The following ZFHX4 variants were observed in gnomAD, a reference collection of about 807,000 sequenced individuals.
The protein encoded by ZFHX4 is zinc finger homeobox protein 4.
In ZFHX4, 56 loss-of-function variants were observed where a neutral mutation model predicts 267.6. The observed-to-expected ratio is 0.21, with a 90% CI of 0.17 to 0.26. The LOEUF is 0.26. ZFHX4 is among the 10% of genes least tolerant of loss of function. The pLI is 1.00. For synonymous variants in ZFHX4, 1,778 were observed against 1,665.6 expected, an observed-to-expected ratio of 1.07 and a Z score of -1.64; for missense variants, 4,332 against 4,420.0, an observed-to-expected ratio of 0.98 and a Z score of 0.56.
chr8:76,712,767 T>C lies in ZFHX4; in HGVS notation c.3093+4719T>C, dbSNP rs557449385. Among the ~76,000 whole-genome samples the C allele has an allele frequency of 3.3e-5, 5 of 152,334 alleles. No homozygotes were observed. The East Asian group carries it at 5.8e-4, about 18-fold the overall frequency. ...ACATTAACCTGAATATGAAAATCTT[T>C]GCACTTTTGTATTAGTTTCAGATTT... On this transcript the variant is annotated intron_variant, in intron 3 of 10. Coordinates refer to ENST00000651372, the MANE Select transcript of ZFHX4 (RefSeq NM_024721.5).
At chr8:76,821,009 C>G (rs1228473909) in intron 4 of ZFHX4, among the ~76,000 whole-genome samples, 2 of 152,110 alleles carry the variant, frequency 1.3e-5, no homozygotes, top group East Asian at 3.9e-4. Context: ...TCCTACTCTG[C>G]CAACTCTCCT....
chr8:76,709,870 C>T (rs967462702), intron 3 of ZFHX4, among the ~76,000 whole-genome samples: 1 of 151,294 alleles, frequency 6.6e-6, no homozygotes. Flanking sequence ...GGATTGACCA[C>T]CTCATTCTCT....
intron 1 of ZFHX4, among the ~76,000 whole-genome samples, chr8:76,688,884 C>T (rs943034788): frequency 5.3e-5 from 8 of 152,022 alleles, no homozygotes; most frequent in Admixed American, 5.2e-4. Flanking sequence ...CTTCCATTTG[C>T]CTCATCACTT....
At chr8:76,682,357 G>A (rs1047079556) in intron 1 of ZFHX4, among the ~76,000 whole-genome samples, 5 of 152,208 alleles carry the variant, frequency 3.3e-5, no homozygotes, top group African/African-American at 1.2e-4. Context: ...AGGCCCGGGG[G>A]TTCGTGAGCT....
At chr8:76,750,714 A>T (rs1306406519) in intron 3 of ZFHX4, among the ~76,000 whole-genome samples, 1 of 152,114 alleles carries the variant, frequency 6.6e-6, no homozygotes, top group African/African-American at 2.4e-5. Flanking sequence ...ATAGTTCTTC[A>T]ACAAGTTTTT....
chr8:76,683,987 G>A (rs1807625882), intron 1 of ZFHX4: 1 of 151,440 alleles, frequency 6.6e-6, no homozygotes. Flanking sequence ...ATCAACACTT[G>A]TTTTACTTTG....
intron 3 of ZFHX4, among the ~76,000 whole-genome samples, chr8:76,755,834 G>A (rs1171931592): frequency 6.6e-6 from 1 of 152,008 alleles, no homozygotes; most frequent in Admixed American, 6.6e-5. Flanking sequence ...AGTGTATGTG[G>A]TTAAGCTCAG....
intron 3 of ZFHX4, among the ~76,000 whole-genome samples, chr8:76,732,441 G>A (rs1428603097): frequency 1.3e-5 from 2 of 151,786 alleles, no homozygotes; most frequent in Non-Finnish European, 2.9e-5. Context: ...AATTTAAAAT[G>A]TAGCTAAAAA....
intron 7 of ZFHX4, 67 bp downstream of exon 7, chr8:76,849,195 C>T: frequency 1.4e-6 from 2 of 1,464,630 alleles, no homozygotes; most frequent in Non-Finnish European, 9.1e-7. Context: ...AGTTTTAAAG[C>T]CCCAAATGAT....
chr8:76,713,308 G>C (rs1353844453), intron 3 of ZFHX4, among the ~76,000 whole-genome samples: 1 of 138,712 alleles, frequency 7.2e-6, no homozygotes, highest in Non-Finnish European at 1.5e-5. Context: ...TAGATAGATA[G>C]ATAGATAGAT....
At chr8:76,706,815 T>G (rs575513108) in intron 2 of ZFHX4, 137 bp downstream of exon 2, 1 of 992,262 alleles carries the variant, frequency 1.0e-6, no homozygotes, top group Admixed American at 3.4e-5. Context: ...TTAAGCTGGA[T>G]AATCAAACCA....
intron 3 of ZFHX4, among the ~76,000 whole-genome samples, chr8:76,750,237 G>A (rs1172274529): frequency 1.3e-5 from 2 of 152,072 alleles, no homozygotes; most frequent in African/African-American, 4.8e-5. Flanking sequence ...TTTATATCTA[G>A]GAGGGATGCC....
At position 76,847,444 on chromosome 8, in the gene ZFHX4, G is replaced by T. The variant is rs559737937; in HGVS notation, c.3512-1551G>T. Among the ~76,000 whole-genome samples, 32 of 151,668 alleles carry T rather than the reference G, an allele frequency of 2.1e-4. No individual in the cohort carries two copies. The East Asian group carries it at 3.9e-3, about 18-fold the overall frequency. On this transcript the variant is annotated intron_variant, in intron 6 of 10. Transcript: ENST00000651372. ...ATCTAGAAATAACCTAAATTTCTCC[G>T]ACACATATATATATACATGAAGACA... is the stretch of plus-strand genomic sequence containing the variant.
At chr8:76,749,678 T>C (rs1276824199) in intron 3 of ZFHX4, among the ~76,000 whole-genome samples, 1 of 152,190 alleles carries the variant, frequency 6.6e-6, no homozygotes, top group Non-Finnish European at 1.5e-5. Context: ...GTCTGTAATA[T>C]AGAAAAATGA....
intron 10 of ZFHX4, among the ~76,000 whole-genome samples, chr8:76,857,629 G>A (rs995432670): frequency 2.0e-5 from 3 of 151,908 alleles, no homozygotes; most frequent in African/African-American, 7.3e-5. Context: ...GAAGCAGAAT[G>A]GAACTATACA....
Position 76,866,540 on chromosome 8 carries a change from G to GC in ZFHX4, c.*1975_*1976insC, listed in dbSNP as rs1813036867. Reference sequence around the variant, plus strand: ...GATTGTGTTTCGTAAGAGACAACATGGCCTCCTAAGGTGCAATCCTGCCGC... The same window carrying GC: ...GATTGTGTTTCGTAAGAGACAACATGCGCCTCCTAAGGTGCAATCCTGCCGC... On this transcript the variant is annotated 3_prime_UTR_variant, in exon 11 of 11. Transcript: ENST00000651372. 1 of 151,622 alleles carries GC rather than the reference G, an allele frequency of 6.6e-6. No homozygotes were observed. 9.4% of individuals were successfully genotyped at this position (151,622 alleles called of 1,614,324 possible).
rs772629883 is a variant in ZFHX4, at chr8:76,863,196, C to T, written c.9482C>T (p.Thr3161Ile). ...SSAPTKPLLQ[T>I]PPPPPPPPPP... ...GCCCCCACCAAACCTTTGCTGCAGACTCCACCACCTCCACCACCTCCTCCT... is the reference window on the plus strand; with the variant it reads ...GCCCCCACCAAACCTTTGCTGCAGATTCCACCACCTCCACCACCTCCTCCT... The change falls in exon 11 of 11, where the codon ACT (threonine) becomes ATT (isoleucine). Residue 3161 changes from threonine to isoleucine, a missense_variant. Physicochemically the swap from Thr to Ile is moderately conservative, Grantham distance 89. Coordinates refer to ENST00000651372, the MANE Select transcript of ZFHX4 (RefSeq NM_024721.5). 4 of 1,563,760 alleles carry T rather than the reference C, an allele frequency of 2.6e-6. No individual in the cohort carries two copies. Among genetic ancestry groups the T allele is most frequent in the Non-Finnish European group, 3.5e-6 (4 of 1,153,714 alleles).
intron 5 of ZFHX4, among the ~76,000 whole-genome samples, chr8:76,834,633 T>G (rs565375355): frequency 1.3e-5 from 2 of 152,302 alleles, no homozygotes; most frequent in Non-Finnish European, 2.9e-5. Flanking sequence ...GTTCTTTGTA[T>G]ATTTCAGATG....
intron 1 of ZFHX4, among the ~76,000 whole-genome samples, chr8:76,698,806 TC>T (rs2131595202): frequency 6.6e-6 from 1 of 152,316 alleles, no homozygotes; most frequent in South Asian, 2.1e-4. Flanking sequence ...GTTACATCCT[TC>T]TATTCAAACT....
Sources: allele counts gnomAD v4.1 joint callset (sites outside exome capture counted in the v4.1 genomes callset), GRCh38; gene constraint gnomAD v4.1.1; transcripts MANE v1.5; gene names NCBI Gene and HGNC (gene_info 2026-07-23, HGNC 2026-07-21).